Variants in MREG observed in about 807,000 individuals in gnomAD.
MREG encodes dilute suppressor protein homolog.
In MREG, 31 loss-of-function variants were observed where a neutral mutation model predicts 28.5. The ratio of observed to expected loss-of-function variants is 1.09; its 90% CI spans 0.82 to 1.47. The LOEUF is 1.47. Among genes scored for constraint, MREG ranks in the 40% most tolerant of loss-of-function variants. MREG has a pLI of 0.00. For synonymous variants in MREG, 106 were observed against 95.2 expected (o/e 1.11, Z -0.66); for missense variants, 256 against 257.4 (o/e 0.99, Z 0.04).
chr2:215,960,126 T>C (rs767519990), intron 2 of MREG, among the ~76,000 whole-genome samples: 2 of 152,160 alleles, frequency 1.3e-5, no homozygotes, highest in Non-Finnish European at 2.9e-5. Flanking sequence ...CAGCTAATTT[T>C]TTGTATTTTT....
Position 215,996,385 on chromosome 2 carries a change from A to C in MREG, c.176T>G (p.Val59Gly). 3 of 1,613,828 alleles carry C rather than the reference A, an allele frequency of 1.9e-6. No homozygotes were observed. The highest frequency in any genetic ancestry group is 2.5e-6 in the Non-Finnish European group (3 of 1,179,706). Residue 59 changes from valine (V) to glycine (G), a missense_variant, in exon 2 of 5, where the codon GTG becomes GGG. By Grantham distance (109) the Val-to-Gly change is moderately radical (BLOSUM62 -3). Transcript: ENST00000263268. ...GTCGTCGTCTGCCTCTGTGTGGGAC[A>C]CATCATGGGGCATACTCCATAAATT... is the stretch of plus-strand genomic sequence containing the variant. ...EKNLWSMPHD[V>G]SHTEADDDRT... is the part of the protein sequence containing the mutation.
intron 1 of MREG, among the ~76,000 whole-genome samples, chr2:216,026,369 ATTTAT>A (rs145697658): frequency 0.14 from 20,914 of 151,798 alleles, 1,752 homozygotes; most frequent in African/African-American, 0.22. Context: ...TTATTTATTT[ATTTAT>A]TTATTTTTGG....
At chr2:216,018,560 C>A (rs1377130558) in intron 1 of MREG, among the ~76,000 whole-genome samples, 1 of 152,170 alleles carries the variant, frequency 6.6e-6, no homozygotes, top group Non-Finnish European at 1.5e-5. Context: ...GAAAAACGAA[C>A]AAGTAGCGTC....
chr2:215,940,070 A>G (rs1289977758), downstream of MREG, among the ~76,000 whole-genome samples: 1 of 152,222 alleles, frequency 6.6e-6, no homozygotes, highest in Non-Finnish European at 1.5e-5. Flanking sequence ...GCTATAGCTA[A>G]TAAGTGATTA....
chr2:216,028,244 G>A (rs1370530737), intron 1 of MREG, among the ~76,000 whole-genome samples: 6 of 152,124 alleles, frequency 3.9e-5, no homozygotes, highest in African/African-American at 1.2e-4. Flanking sequence ...GGCCGGGCAC[G>A]GTGGCTCACG....
chr2:215,986,765 C>T (rs947529780), intron 2 of MREG, among the ~76,000 whole-genome samples: 1 of 152,180 alleles, frequency 6.6e-6, no homozygotes, highest in African/African-American at 2.4e-5. Context: ...TCCTCCTTTG[C>T]CTTCTGCCAT....
chr2:215,945,889 C>T (rs74371935), intron 3 of MREG, among the ~76,000 whole-genome samples, 155 bp from the exon 4 acceptor site: 11,744 of 152,254 alleles, frequency 0.077, 518 homozygotes, highest in Middle Eastern at 0.21. Flanking sequence ...ATTCCATGTG[C>T]TGCCTCCCAG....
chr2:215,942,128 T>C (rs1295038069), downstream of MREG, among the ~76,000 whole-genome samples: 1 of 152,204 alleles, frequency 6.6e-6, no homozygotes, highest in African/African-American at 2.4e-5. Flanking sequence ...AACCAGGTGT[T>C]TGATCTACTG....
intron 1 of MREG, among the ~76,000 whole-genome samples, chr2:216,026,489 T>C (rs1694596348): frequency 6.6e-6 from 1 of 152,224 alleles, no homozygotes; most frequent in Admixed American, 6.5e-5. Flanking sequence ...GCTTCCTGAG[T>C]AGCTGTGACT....
At chr2:216,032,417 T>G (rs1694723731) in intron 1 of MREG, among the ~76,000 whole-genome samples, 2 of 152,218 alleles carry the variant, frequency 1.3e-5, no homozygotes, top group South Asian at 4.1e-4. Context: ...ATAGAATAAT[T>G]GGATGACATT....
chr2:215,943,588 T>G lies in MREG; in HGVS notation c.*1275A>C. ...CGGGCGCGGTGACTCACGCCTGTAATCCCAGCACTTTGGGAGGCTGGGGCA... is the reference window on the plus strand; with the variant it reads ...CGGGCGCGGTGACTCACGCCTGTAAGCCCAGCACTTTGGGAGGCTGGGGCA... On this transcript the variant is annotated 3_prime_UTR_variant, in exon 5 of 5. Transcript: ENST00000263268. 2.3e-6 allele frequency: 1 copy of G among 433,248 alleles called. No homozygotes were observed. The highest frequency in any genetic ancestry group is 1.6e-5 in the South Asian group (1 of 60,744). The allele number at this position is 433,248 out of a possible 1,614,324, so 26.8% of individuals were successfully genotyped here.
At chr2:215,954,344 T>G (rs186402349) in intron 2 of MREG, among the ~76,000 whole-genome samples, 56 of 152,254 alleles carry the variant, frequency 3.7e-4, no homozygotes, top group African/African-American at 1.3e-3. Flanking sequence ...ACCATTAAGA[T>G]GACCTTGTCT....
intron 1 of MREG, among the ~76,000 whole-genome samples, chr2:216,021,618 A>C (rs1329386376): frequency 6.6e-6 from 1 of 152,056 alleles, no homozygotes; most frequent in African/African-American, 2.4e-5. Flanking sequence ...GAGGCTTGGG[A>C]ATTCTGAGGC....
At position 215,988,735 on chromosome 2, in the gene MREG, G is replaced by C. The variant is rs117635022; in HGVS notation, c.255+7571C>G. ...GGGGCATCCGCCATTCCTGAGGCTT[G>C]GGCAGGCAGTTTTTCCCCTCACAGT... On this transcript the variant is annotated intron_variant, in intron 2 of 4. Coordinates refer to ENST00000263268, the MANE Select transcript of MREG (RefSeq NM_018000.3). Among the ~76,000 whole-genome samples, 34 of 152,306 alleles carry C rather than the reference G, an allele frequency of 2.2e-4. No homozygotes were observed. The East Asian group carries it at 6.6e-3, about 29-fold the overall frequency.
chr2:216,011,153 A>C (rs925105654), intron 1 of MREG, among the ~76,000 whole-genome samples: 1 of 152,134 alleles, frequency 6.6e-6, no homozygotes. Context: ...TGTACTAAAA[A>C]CTACTGAATT....
downstream of MREG, among the ~76,000 whole-genome samples, chr2:215,940,643 A>C (rs1692186698): frequency 6.6e-6 from 1 of 152,222 alleles, no homozygotes; most frequent in South Asian, 2.1e-4. Context: ...GGCAACTCAG[A>C]TACTGTCACA....
chr2:215,976,274 G>A (rs1405031064), intron 2 of MREG, among the ~76,000 whole-genome samples: 1 of 152,058 alleles, frequency 6.6e-6, no homozygotes, highest in African/African-American at 2.4e-5. Flanking sequence ...AAATCTGTTG[G>A]TTCTGTCTGG....
intron 2 of MREG, among the ~76,000 whole-genome samples, chr2:215,981,731 T>C (rs1034651921): frequency 6.6e-6 from 1 of 152,192 alleles, no homozygotes; most frequent in Non-Finnish European, 1.5e-5. Flanking sequence ...CTGGAATACT[T>C]AATATTAGCA....
chr2:215,939,998 T>C (rs1158126720), downstream of MREG, among the ~76,000 whole-genome samples: 3 of 152,204 alleles, frequency 2.0e-5, no homozygotes, highest in African/African-American at 7.2e-5. Context: ...AATTCTATTC[T>C]CTCCAAATTT....
Sources: allele counts gnomAD v4.1 joint callset (sites outside exome capture counted in the v4.1 genomes callset), GRCh38; gene constraint gnomAD v4.1.1; transcripts MANE v1.5; gene names NCBI Gene and HGNC (gene_info 2026-07-23, HGNC 2026-07-21).